The following ZNF343 variants were observed in gnomAD, a reference collection of about 807,000 sequenced individuals.
ZNF343 encodes the protein zinc finger protein 343.
A neutral mutation model predicts 13.8 loss-of-function variants in ZNF343; 11 were observed. The ratio of observed to expected loss-of-function variants is 0.80; its 90% confidence interval spans 0.50 to 1.32. The LOEUF (loss-of-function observed/expected upper bound fraction) is 1.32, where lower values mean the gene tolerates loss of function less well. ZNF343 is among the 40% of genes most tolerant of loss of function. The probability of loss-of-function intolerance (pLI) is 0.00; values close to 1 mark genes in which losing one functional copy is unlikely to be tolerated. For synonymous variants in ZNF343, 248 were observed against 260.0 expected, an observed-to-expected ratio of 0.95 and a Z score of 0.44; for missense variants, 658 against 714.2, an observed-to-expected ratio of 0.92 and a Z score of 0.90.
intron 1 of ZNF343, among the ~76,000 whole-genome samples, chr20:2,506,555 A>C (rs1214895299): frequency 6.6e-6 from 1 of 152,200 alleles, no homozygotes; most frequent in African/African-American, 2.4e-5. Context: ...CAAATGTCCA[A>C]CAATGATAGA....
At chr20:2,520,748 AC>A (rs1894441128) in intron 1 of ZNF343, among the ~76,000 whole-genome samples, 1 of 152,168 alleles carries the variant, frequency 6.6e-6, no homozygotes, top group African/African-American at 2.4e-5. Flanking sequence ...GAACATGGGG[AC>A]TCGTCTTCTA....
rs2085697455 is a variant in ZNF343, at chr20:2,508,157, G to A, written c.-237+724C>T. Among the ~76,000 whole-genome samples the A allele has an allele frequency of 6.6e-6, 1 of 152,008 alleles. No homozygotes were observed. The highest frequency in any genetic ancestry group is 1.9e-4 in the East Asian group (1 of 5,184). ...CCTAGATGCCTGTCAGAGTGATACA[G>A]CCCACCACTATCAGAGGACGAAACC... On this transcript the variant is annotated intron_variant, in intron 1 of 5. Transcript: ENST00000278772. The surrounding 1 kb of genome is among the most constrained non-coding windows in gnomAD (Gnocchi z 4.5).
Position 2,484,306 on chromosome 20 carries a change from G to A in ZNF343, c.655C>T (p.Gln219Ter). The change falls in exon 6 of 6, where the codon CAA becomes TAA. Residue 219 changes from glutamine to a stop codon, truncating the protein, a stop_gained. Coordinates refer to ENST00000278772, the MANE Select transcript of ZNF343 (RefSeq NM_024325.6). LOFTEE classifies it low-confidence loss of function (END_TRUNC). Reference protein sequence around the residue: ...MVVETEPSSAQRPNPVQLDKG... With the variant: ...MVVETEPSSA The stretch of plus-strand genomic sequence containing the variant: ...TCTAGCTGCACAGGGTTTGGTCTTT[G>A]GGCTGAGCTGGGCTCTGTTTCTACC... 1 of 1,614,156 alleles carries A rather than the reference G, an allele frequency of 6.2e-7. No individual in the cohort carries two copies. The highest frequency in any genetic ancestry group is 1.1e-5 in the South Asian group (1 of 91,080).
At chr20:2,510,893 G>A (rs1468456202), upstream of ZNF343, among the ~76,000 whole-genome samples, 2 of 152,160 alleles carry the variant, frequency 1.3e-5, no homozygotes, top group Admixed American at 1.3e-4. Context: ...CAGAAATTAG[G>A]GAGAGGTAAG....
At chr20:2,484,836 A>C (rs1357821782) in intron 5 of ZNF343, among the ~76,000 whole-genome samples, 180 bp from the exon 6 acceptor site, 1 of 152,242 alleles carries the variant, frequency 6.6e-6, no homozygotes, top group East Asian at 1.9e-4. Flanking sequence ...TGCAATCCAG[A>C]AAATCCATAA....
In ZNF343 at chr20:2,508,559, C is replaced by T. The variant is rs2085705840; in HGVS notation, c.-237+322G>A. On this transcript the variant is annotated intron_variant, in intron 1 of 5. Transcript: ENST00000278772. The surrounding 1 kb of genome is among the most constrained non-coding windows in gnomAD (Gnocchi z 4.5). Reference sequence around the variant, plus strand: ...AAACCCCAGGACGCACGACTGGGGCCGCCCTCCGTATTCGAAAACTGGTTG... The same window carrying T: ...AAACCCCAGGACGCACGACTGGGGCTGCCCTCCGTATTCGAAAACTGGTTG... Among the ~76,000 whole-genome samples the T allele has an allele frequency of 6.6e-6, 1 of 152,162 alleles. No homozygotes were observed. Among genetic ancestry groups the T allele is most frequent in the South Asian group, 2.1e-4 (1 of 4,826 alleles).
chr20:2,509,273 C>T (rs534053702), upstream of ZNF343: 3 of 152,380 alleles, frequency 2.0e-5, no homozygotes, highest in South Asian at 6.2e-4. Flanking sequence ...GTTTACTGCA[C>T]CGGACCACCT....
At chr20:2,512,447 T>A (rs1203703690), upstream of ZNF343, among the ~76,000 whole-genome samples, 1 of 152,206 alleles carries the variant, frequency 6.6e-6, no homozygotes, top group African/African-American at 2.4e-5. Context: ...TAAAACAGTG[T>A]GGTACTGCCA....
intron 2 of ZNF343, among the ~76,000 whole-genome samples, chr20:2,495,679 T>G (rs539275110): frequency 3.1e-4 from 42 of 135,742 alleles, no homozygotes; most frequent in African/African-American, 9.0e-4. Flanking sequence ...TTTTTTTTCT[T>G]TTTTCTTTTT....
At chr20:2,519,141 C>T (rs774179881) in intron 1 of ZNF343, among the ~76,000 whole-genome samples, 2 of 152,154 alleles carry the variant, frequency 1.3e-5, no homozygotes, top group Admixed American at 1.3e-4. Flanking sequence ...GACTAATCCA[C>T]CCATTCACTA....
rs2085771652 is a variant in ZNF343, at chr20:2,518,988, C to T, written c.-347+5467G>A. ...CTCTCTTTCCTGCCATCGTGTAAGA[C>T]ATGCCTTGCTTCCCCTTCACCTTCC... On this transcript the variant is annotated intron_variant, in intron 1 of 6. Coordinates refer to the ZNF343 transcript ENST00000358413. This position sits in a 1 kb window ranked among gnomAD's most constrained non-coding sequence, Gnocchi z 4.6. Among the ~76,000 whole-genome samples, 1 of 152,180 alleles carries T rather than the reference C, an allele frequency of 6.6e-6. No homozygotes were observed. Among genetic ancestry groups the T allele is most frequent in the Admixed American group, 6.5e-5 (1 of 15,282 alleles).
At chr20:2,486,944 A>G (rs573857682) in intron 5 of ZNF343, among the ~76,000 whole-genome samples, 27 of 152,202 alleles carry the variant, frequency 1.8e-4, no homozygotes, top group Non-Finnish European at 3.2e-4. Flanking sequence ...TGTAGGTGAC[A>G]TGGTCTCTAT....
Position 2,506,803 on chromosome 20 carries a change from G to A in ZNF343, c.-237+2078C>T, listed in dbSNP as rs149704144. On this transcript the variant is annotated intron_variant, in intron 1 of 5. Coordinates refer to ENST00000278772, the MANE Select transcript of ZNF343 (RefSeq NM_024325.6). The stretch of plus-strand genomic sequence containing the variant: ...CACCCCGGGGCCTGTTGTGGGGTGA[G>A]GGGAGCGGGGAGGGATAGCATTTGG... Among the ~76,000 whole-genome samples, 1,366 of 152,240 alleles carry A rather than the reference G, an allele frequency of 9.0e-3. 26 individuals are homozygous for A. Among genetic ancestry groups the A allele is most frequent in the East Asian group, 0.058 (298 of 5,176 alleles).
chr20:2,493,829 CA>C lies in ZNF343; in HGVS notation c.66del (p.Asn22LysfsTer5). 1 of 1,614,086 alleles carries C rather than the reference CA, an allele frequency of 6.2e-7. No homozygotes were observed. Among genetic ancestry groups the C allele is most frequent in the Non-Finnish European group, 8.5e-7 (1 of 1,179,988 alleles). On this transcript the variant is annotated frameshift_variant, in exon 3 of 6. Transcript: ENST00000278772. LOFTEE classifies it high-confidence loss of function. ...TTCTTCATAGTCTCTACATTTTCCC[CA>C]TTCTTTGGAAGCAAAATCTCTTCCC... ...QYWEEILLPK[N>X]GENVETMKKL... is the part of the protein sequence containing the mutation.
rs973206795 is a variant in ZNF343 at position 2,483,649 on chromosome 20, CAT to C, written c.1310_1311del (p.Tyr437CysfsTer11). On this transcript the variant is annotated frameshift_variant, in exon 6 of 6. Coordinates refer to ENST00000278772, the MANE Select transcript of ZNF343 (RefSeq NM_024325.6). LOFTEE classifies it low-confidence loss of function (END_TRUNC). ...AAGCCTCGCCCACACTCCCTGCAAA[CAT>C]AAGGCTTCTCATCCAAGTGTGTCCT... ...HQRTHLDEKP[Y>X]VCRECGRGFC... 69 of 1,610,984 alleles carry C rather than the reference CAT, an allele frequency of 4.3e-5. No homozygotes were observed. Among genetic ancestry groups the C allele is most frequent in the Non-Finnish European group, 5.6e-5 (66 of 1,179,038 alleles).
chr20:2,483,535 G>T lies in ZNF343; in HGVS notation c.1426C>A (p.Arg476=), dbSNP rs200449940. ...VCGECGRGFS[R]KSLLLVHQRT... is the part of the protein sequence containing the mutation. Reference sequence around the variant, plus strand: ...TGGTGGACAAGGAGGAGTGATTTCCGACTAAAGCCTCGGCCACACTCACCA... The same window carrying T: ...TGGTGGACAAGGAGGAGTGATTTCCTACTAAAGCCTCGGCCACACTCACCA... The change falls in exon 6 of 6, where the codon CGG becomes AGG. Residue 476 remains arginine (R), a synonymous_variant. Coordinates refer to ENST00000278772, the MANE Select transcript of ZNF343 (RefSeq NM_024325.6). The T allele has an allele frequency of 5.0e-6, 8 of 1,605,356 alleles. No homozygotes were observed. In the East Asian group the frequency reaches 1.1e-4, roughly 23 times the overall value.
chr20:2,510,359 A>C (rs896146323), upstream of ZNF343, among the ~76,000 whole-genome samples: 1 of 152,216 alleles, frequency 6.6e-6, no homozygotes, highest in Non-Finnish European at 1.5e-5. Flanking sequence ...TTCCCAGTCC[A>C]GTTCAATATT....
At chr20:2,520,997 C>A (rs2085780012) in intron 1 of ZNF343, among the ~76,000 whole-genome samples, 1 of 152,164 alleles carries the variant, frequency 6.6e-6, no homozygotes, top group Non-Finnish European at 1.5e-5. Context: ...TAATGAGTGG[C>A]ATGGATTTAG....
At chr20:2,494,979 C>T (rs2085433988) in intron 2 of ZNF343, among the ~76,000 whole-genome samples, 1 of 152,178 alleles carries the variant, frequency 6.6e-6, no homozygotes, top group Non-Finnish European at 1.5e-5. Flanking sequence ...AAGTCCTACA[C>T]TGATGTGGTC....
Sources: allele counts gnomAD v4.1 joint callset (sites outside exome capture counted in the v4.1 genomes callset), GRCh38; gene constraint gnomAD v4.1.1; non-coding constraint Gnocchi (gnomAD v3.1); transcripts MANE v1.5; gene names NCBI Gene and HGNC (gene_info 2026-07-23, HGNC 2026-07-21).